The following ITGAM variants were observed in gnomAD, a reference collection of about 807,000 sequenced individuals.
ITGAM encodes the protein integrin subunit alpha M.
A neutral mutation model predicts 137.5 loss-of-function variants in ITGAM; 79 were observed. That is an observed-to-expected ratio of 0.57 (90% CI 0.48 to 0.69). ITGAM has a LOEUF of 0.69. Among genes scored for constraint, ITGAM ranks in the 30% least tolerant of loss-of-function variants. The pLI is 0.00. For synonymous variants in ITGAM, 583 were observed against 592.3 expected (o/e 0.98, Z 0.23); for missense variants, 1,343 against 1,483.5 (o/e 0.91, Z 1.56).
chr16:31,324,570 C>T lies in ITGAM; in HGVS notation c.2157+17C>T. 1 of 1,609,926 alleles carries T rather than the reference C, an allele frequency of 6.2e-7. No individual in the cohort carries two copies. Among genetic ancestry groups the T allele is most frequent in the Non-Finnish European group, 8.5e-7 (1 of 1,178,206 alleles). ...CAGTTGCCGGTGAGCAGGCTAGTGG[C>T]CAGACCCCTGGGTCTTCCAAGCATG... On this transcript the variant is annotated intron_variant, in intron 17 of 29. Coordinates refer to ENST00000544665, the MANE Select transcript of ITGAM (RefSeq NM_000632.4). The surrounding 1 kb of genome is among the most constrained non-coding windows in gnomAD (Gnocchi z 4.5).
rs1347814601 is a variant in ITGAM at position 31,324,288 on chromosome 16, T to C, written c.2003-111T>C. 1.2e-6 allele frequency: 1 copy of C among 815,870 alleles called. No homozygotes were observed. Among genetic ancestry groups the C allele is most frequent in the Non-Finnish European group, 1.9e-6 (1 of 516,982 alleles). The allele number at this position is 815,870 out of a possible 1,614,324, so 50.5% of individuals were successfully genotyped here. A position where few individuals can be genotyped will look rare whatever the true frequency, so the allele number is the denominator to read the frequency against. On this transcript the variant is annotated intron_variant, in intron 16 of 29. Transcript: ENST00000544665. This position sits in a 1 kb window ranked among gnomAD's most constrained non-coding sequence, Gnocchi z 4.5. Reference sequence around the variant, plus strand: ...GGAAAGAAGACTCAGAGAAGTCAGATAACATACCCCAAGTCACACAGCTGA... The same window carrying C: ...GGAAAGAAGACTCAGAGAAGTCAGACAACATACCCCAAGTCACACAGCTGA...
At chr16:31,316,038 C>CA (rs139226828) in intron 14 of ITGAM, among the ~76,000 whole-genome samples, 1 of 67,904 alleles carries the variant, frequency 1.5e-5, no homozygotes, top group Admixed American at 1.6e-4. Flanking sequence ...ACTAAAAATA[C>CA]AAAAAATTAG....
Position 31,331,491 on chromosome 16 carries a change from G to GC in ITGAM, c.3388-141dup, listed in dbSNP as rs2080582335. ...CCTTGTAGTTTCTGTTTTTCTCCAGGCCCCGACGCGGATGTCACTCCCCTC... is the reference window on the plus strand; with the variant it reads ...CCTTGTAGTTTCTGTTTTTCTCCAGGCCCCCGACGCGGATGTCACTCCCCTC... On this transcript the variant is annotated intron_variant, in intron 29 of 29. Coordinates refer to ENST00000544665, the MANE Select transcript of ITGAM (RefSeq NM_000632.4). 13 of 680,768 alleles carry GC rather than the reference G, an allele frequency of 1.9e-5. No homozygotes were observed. In the South Asian group the frequency reaches 2.3e-4, roughly 12 times the overall value. 42.2% of individuals were successfully genotyped at this position (680,768 alleles called of 1,614,324 possible). A position where few individuals can be genotyped will look rare whatever the true frequency, so the allele number is the denominator to read the frequency against.
intron 12 of ITGAM, among the ~76,000 whole-genome samples, chr16:31,283,791 G>T (rs1418552827): frequency 6.6e-6 from 1 of 152,338 alleles, no homozygotes; most frequent in Non-Finnish European, 1.5e-5. Flanking sequence ...TCCTTTGGAG[G>T]AGAAGAGGTG....
At chr16:31,291,761 T>C (rs901405844) in intron 12 of ITGAM, among the ~76,000 whole-genome samples, 4 of 151,378 alleles carry the variant, frequency 2.6e-5, no homozygotes, top group Admixed American at 6.6e-5. Context: ...AGGTAGAGAG[T>C]AGCATGATGG....
chr16:31,274,950 C>T lies in ITGAM; in HGVS notation c.859-599C>T, dbSNP rs551784045. 2.0e-5 allele frequency among the ~76,000 whole-genome samples: 3 copies of T among 152,262 alleles called. No individual in the cohort carries two copies. In the South Asian group the frequency reaches 6.2e-4, roughly 32 times the overall value. On this transcript the variant is annotated intron_variant, in intron 8 of 29. Transcript: ENST00000544665. ...AAAAATTTGTTTAAAACGACCTTAT[C>T]CTTGTTGGCAAAGTGCCCTGTGAAA... is the stretch of plus-strand genomic sequence containing the variant.
chr16:31,267,668 T>C (rs1307631052), intron 5 of ITGAM, among the ~76,000 whole-genome samples: 1 of 151,972 alleles, frequency 6.6e-6, no homozygotes, highest in East Asian at 1.9e-4. Context: ...TCTTTTTTTT[T>C]TGGAGACAGG....
intron 5 of ITGAM, among the ~76,000 whole-genome samples, chr16:31,270,699 G>GCATATA (rs1555464797): frequency 3.8e-5 from 1 of 25,998 alleles, no homozygotes; most frequent in Non-Finnish European, 7.8e-5. Flanking sequence ...GTGTGTGTGT[G>GCATATA]TATATATATA....
At position 31,331,295 on chromosome 16, in the gene ITGAM, C is replaced by G. The variant is rs61761288; in HGVS notation, c.3387+20C>G. On this transcript the variant is annotated intron_variant, in intron 29 of 29. Transcript: ENST00000544665. ...TACAAGGTGCTCCCCGCTGCTCCCC[C>G]ACCCCCTCCCTTCATCCTCTCGGGC... 2.0e-4 allele frequency: 265 copies of G among 1,344,634 alleles called. 3 individuals carry two copies. In the East Asian group the frequency reaches 3.1e-3, roughly 15 times the overall value. 83.3% of individuals were successfully genotyped at this position (1,344,634 alleles called of 1,614,324 possible).
chr16:31,270,726 TATATATATATATATATATG>T lies in ITGAM; in HGVS notation c.428-227_428-209del, dbSNP rs1350847425. Among the ~76,000 whole-genome samples the T allele has an allele frequency of 5.4e-5, 6 of 110,278 alleles. 1 individual carries two copies. The highest frequency in any genetic ancestry group is 1.2e-4 in the African/African-American group (3 of 25,644). The allele number at this position is 110,278 out of a possible 152,430, so 72.3% of individuals were successfully genotyped here. A position where few individuals can be genotyped will look rare whatever the true frequency, so the allele number is the denominator to read the frequency against. ...ATATATATATATATATATATATATATATATATATATATATATATGTTTTTAACGTGTGTATACATATATA... is the reference window on the plus strand; with the variant it reads ...ATATATATATATATATATATATATATTTTTTAACGTGTGTATACATATATA... On this transcript the variant is annotated intron_variant, in intron 5 of 29. Transcript: ENST00000544665.
chr16:31,331,290 T>A lies in ITGAM; in HGVS notation c.3387+15T>A. ...CGCTGTACAAGGTGCTCCCCGCTGC[T>A]CCCCCACCCCCTCCCTTCATCCTCT... is the stretch of plus-strand genomic sequence containing the variant. On this transcript the variant is annotated intron_variant, in intron 29 of 29. Transcript: ENST00000544665. 7.2e-7 allele frequency: 1 copy of A among 1,379,758 alleles called. No homozygotes were observed. Among genetic ancestry groups the A allele is most frequent in the Non-Finnish European group, 1.0e-6 (1 of 972,036 alleles). 85.5% of individuals were successfully genotyped at this position (1,379,758 alleles called of 1,614,324 possible). A position where few individuals can be genotyped will look rare whatever the true frequency, so the allele number is the denominator to read the frequency against.
intron 5 of ITGAM, among the ~76,000 whole-genome samples, chr16:31,270,736 T>TATATAG: frequency 8.6e-6 from 1 of 115,682 alleles, no homozygotes. Context: ...TATATATATA[T>TATATAG]ATATATATGT....
intron 21 of ITGAM, among the ~76,000 whole-genome samples, chr16:31,326,195 G>C (rs2080506685): frequency 6.6e-6 from 1 of 152,154 alleles, no homozygotes; most frequent in Non-Finnish European, 1.5e-5. Flanking sequence ...AAGAGCTTCT[G>C]TTCCCGTTGG....
intron 12 of ITGAM, among the ~76,000 whole-genome samples, chr16:31,288,208 G>C (rs951462547): frequency 6.6e-6 from 1 of 152,062 alleles, no homozygotes; most frequent in African/African-American, 2.4e-5. Context: ...GGAGTGGTGG[G>C]AGAAAACAGG....
At chr16:31,328,599 G>A (rs573230203) in intron 23 of ITGAM, among the ~76,000 whole-genome samples, 2 of 151,520 alleles carry the variant, frequency 1.3e-5, no homozygotes, top group South Asian at 2.1e-4. Context: ...ATGTGTGTGT[G>A]AGGATCTATG....
Position 31,330,066 on chromosome 16 carries a change from C to A in ITGAM, c.2977-15C>A, listed in dbSNP as rs750138292. ...CCTTCATCTCTGCCCCTTCTCAGTG[C>A]GTCTCTTTCCTCAGAACCTCTCGAG... On this transcript the variant is annotated splice_polypyrimidine_tract_variant and intron_variant, in intron 25 of 29. Transcript: ENST00000544665. 1 of 1,611,544 alleles carries A rather than the reference C, an allele frequency of 6.2e-7. No individual in the cohort carries two copies.
intron 12 of ITGAM, among the ~76,000 whole-genome samples, chr16:31,297,291 C>G (rs889014561): frequency 1.3e-5 from 2 of 152,090 alleles, no homozygotes; most frequent in African/African-American, 2.4e-5. Context: ...TTCAGCCCCC[C>G]GAGGAGCTGG....
At chr16:31,298,622 C>G (rs980775515) in intron 14 of ITGAM, among the ~76,000 whole-genome samples, 1 of 152,214 alleles carries the variant, frequency 6.6e-6, no homozygotes, top group Non-Finnish European at 1.5e-5. Context: ...TTGCTTAACT[C>G]TGTCCCAGAT....
At chr16:31,310,979 G>T (rs935579043) in intron 14 of ITGAM, among the ~76,000 whole-genome samples, 4 of 152,048 alleles carry the variant, frequency 2.6e-5, no homozygotes, top group Non-Finnish European at 5.9e-5. Context: ...AAATAGTGCC[G>T]CATATCTACA....
Sources: allele counts gnomAD v4.1 joint callset (sites outside exome capture counted in the v4.1 genomes callset), GRCh38; gene constraint gnomAD v4.1.1; non-coding constraint Gnocchi (gnomAD v3.1); transcripts MANE v1.5; gene names NCBI Gene and HGNC (gene_info 2026-07-23, HGNC 2026-07-21).